The following SV2C variants were observed in gnomAD, a reference collection of about 807,000 sequenced individuals.
SV2C encodes the protein solute carrier family 22 member B3.
In SV2C, 49 loss-of-function variants were observed where a neutral mutation model predicts 79.7. The observed-to-expected ratio is 0.61, with a 90% CI of 0.49 to 0.78. SV2C has a LOEUF of 0.78. Ranked by LOEUF, SV2C falls within the 30% of genes least tolerant of loss-of-function variation. SV2C has a pLI of 0.00. For missense variants in SV2C, 833 were observed against 912.9 expected (o/e 0.91, Z 1.13); for synonymous variants, 334 against 333.2 (o/e 1.00, Z -0.03).
chr5:76,114,379 T>A (rs1443663551), intron 1 of SV2C, among the ~76,000 whole-genome samples: 2 of 152,170 alleles, frequency 1.3e-5, no homozygotes, highest in Admixed American at 6.5e-5. Flanking sequence ...ATTTACTAAG[T>A]AAAACACAAA....
At position 76,264,566 on chromosome 5, in the gene SV2C, G is replaced by C. The variant is rs576580123; in HGVS notation, c.914-20596G>C. 5.6e-4 allele frequency among the ~76,000 whole-genome samples: 85 copies of C among 152,210 alleles called. 1 individual carries two copies. Among genetic ancestry groups the C allele is most frequent in the Admixed American group, 5.0e-3 (76 of 15,298 alleles). The stretch of plus-strand genomic sequence containing the variant: ...TGTGCTGGTTTTTCCTTGTCTTCAT[G>C]GATTTATCTACCTTTAATCTTTGAG... On this transcript the variant is annotated intron_variant, in intron 4 of 12. Transcript: ENST00000502798.
the SV2C span, among the ~76,000 whole-genome samples, chr5:75,978,553 T>G: frequency 1.0e-3 from 155 of 152,296 alleles, no homozygotes; most frequent in African/African-American, 3.6e-3. Context: ...ATCTTTGTCA[T>G]CTAGGAAGGG....
chr5:76,023,800 C>A, the SV2C span, among the ~76,000 whole-genome samples: 1 of 151,642 alleles, frequency 6.6e-6, no homozygotes, highest in Non-Finnish European at 1.5e-5. Context: ...CAGAGACTGG[C>A]CTTCAAAATA....
Position 76,285,290 on chromosome 5 carries a change from T to G in SV2C, c.1042T>G (p.Leu348Val). ...CATGCCTGAAAGCCCACGATTCTTG[T>G]TGGAGGTAACACTTATTATTGCAGA... ...TFMPESPRFL[L>V]EVGKHDEAWM... is the part of the protein sequence containing the mutation. Residue 348 changes from leucine (L) to valine (V), a missense_variant, in exon 5 of 13, where the codon TTG becomes GTG. Leu to Val is a conservative substitution (Grantham distance 32). Transcript: ENST00000502798. 1 of 1,614,144 alleles carries G rather than the reference T, an allele frequency of 6.2e-7. No homozygotes were observed. The highest frequency in any genetic ancestry group is 8.5e-7 in the Non-Finnish European group (1 of 1,180,012).
the SV2C span, among the ~76,000 whole-genome samples, chr5:75,968,378 G>A: frequency 6.6e-6 from 1 of 152,108 alleles, no homozygotes; most frequent in Non-Finnish European, 1.5e-5. Flanking sequence ...AAACTACTCT[G>A]AGCTAAAGGA....
intron 2 of SV2C, among the ~76,000 whole-genome samples, chr5:76,164,572 T>C (rs1174934495): frequency 1.3e-5 from 2 of 152,154 alleles, no homozygotes; most frequent in Admixed American, 6.6e-5. Flanking sequence ...ACTAAGCTGG[T>C]TTTTGGTCTT....
intron 4 of SV2C, among the ~76,000 whole-genome samples, chr5:76,248,142 C>T (rs993723218): frequency 5.3e-5 from 8 of 152,196 alleles, no homozygotes; most frequent in Non-Finnish European, 7.3e-5. Flanking sequence ...TGGCCTGCCA[C>T]GAGCATCATC....
intron 12 of SV2C, among the ~76,000 whole-genome samples, chr5:76,324,797 A>G (rs1435963474): frequency 6.6e-6 from 1 of 152,206 alleles, no homozygotes; most frequent in Non-Finnish European, 1.5e-5. Context: ...TGGAGGCTGC[A>G]GTGAGTTATC....
At chr5:76,110,841 G>A (rs1293168934) in intron 1 of SV2C, among the ~76,000 whole-genome samples, 2 of 152,218 alleles carry the variant, frequency 1.3e-5, no homozygotes, top group Non-Finnish European at 2.9e-5. Context: ...AAGAACATGA[G>A]TGTTGGGAGT....
chr5:75,948,690 G>A, the SV2C span, among the ~76,000 whole-genome samples: 1 of 151,812 alleles, frequency 6.6e-6, no homozygotes, highest in Non-Finnish European at 1.5e-5. Flanking sequence ...ATCTGGAGAA[G>A]GGATGTTTAA....
chr5:75,928,430 A>C, the SV2C span, among the ~76,000 whole-genome samples: 2 of 152,236 alleles, frequency 1.3e-5, no homozygotes, highest in African/African-American at 4.8e-5. Flanking sequence ...GTATTTACTT[A>C]GTATTAGGAT....
chr5:75,938,245 C>A, the SV2C span, among the ~76,000 whole-genome samples: 1 of 152,106 alleles, frequency 6.6e-6, no homozygotes, highest in Non-Finnish European at 1.5e-5. Context: ...TCTAACTACA[C>A]TGTGGTAAAT....
intron 6 of SV2C, among the ~76,000 whole-genome samples, chr5:76,290,292 T>C (rs1290964147): frequency 6.6e-6 from 1 of 152,164 alleles, no homozygotes; most frequent in East Asian, 1.9e-4. Context: ...CCAAGCCACC[T>C]CTATCCAAAA....
chr5:75,963,257 T>C, the SV2C span, among the ~76,000 whole-genome samples: 17,370 of 152,184 alleles, frequency 0.11, 2,813 homozygotes, highest in African/African-American at 0.36. Flanking sequence ...CCCCACCATT[T>C]CTTTGTCCTG....
chr5:76,000,532 G>T, the SV2C span, among the ~76,000 whole-genome samples: 2 of 152,180 alleles, frequency 1.3e-5, no homozygotes, highest in Non-Finnish European at 2.9e-5. Flanking sequence ...CCATGATTCT[G>T]TGCACACTCA....
rs182495557 is a variant in SV2C, at chr5:76,351,117, C to A, written c.2001-2013C>A. On this transcript the variant is annotated intron_variant, in intron 12 of 12. Transcript: ENST00000322285. ...CTTCAGATTGAATGGCCGGGGAAGG[C>A]AGCTTTCTGGAGGCGGCCATTGACC... Among the ~76,000 whole-genome samples the A allele has an allele frequency of 3.9e-5, 6 of 152,174 alleles. No homozygotes were observed. The East Asian group carries it at 1.2e-3, about 29-fold the overall frequency.
intron 2 of SV2C, among the ~76,000 whole-genome samples, chr5:76,180,767 G>C (rs2112299039): frequency 6.6e-6 from 1 of 152,284 alleles, no homozygotes; most frequent in Middle Eastern, 3.4e-3. Flanking sequence ...TCATGCTGTG[G>C]ACACTGTTGA....
intron 4 of SV2C, among the ~76,000 whole-genome samples, chr5:76,220,925 G>T (rs180912529): frequency 6.6e-6 from 1 of 152,174 alleles, no homozygotes; most frequent in African/African-American, 2.4e-5. Context: ...AAATCCACTT[G>T]AATCTCATTG....
At chr5:76,346,611 ACTTTGATCTCT>A (rs1749549295) in intron 12 of SV2C, among the ~76,000 whole-genome samples, 1 of 152,126 alleles carries the variant, frequency 6.6e-6, no homozygotes, top group Non-Finnish European at 1.5e-5. Context: ...TTTTACACTC[ACTTTGATCTCT>A]TAGGAAAGAG....
Sources: allele counts gnomAD v4.1 joint callset (sites outside exome capture counted in the v4.1 genomes callset), GRCh38; gene constraint gnomAD v4.1.1; transcripts MANE v1.5; gene names NCBI Gene and HGNC (gene_info 2026-07-23, HGNC 2026-07-21).